APBA1: variants seen among roughly 807,000 people sequenced by gnomAD.
APBA1 encodes amyloid beta precursor protein binding family A member 1.
A neutral mutation model predicts 86.6 loss-of-function variants in APBA1; 55 were observed. That is an observed-to-expected ratio of 0.64 (90% CI 0.51 to 0.80). The LOEUF is 0.80. Among genes scored for constraint, APBA1 ranks in the 30% least tolerant of loss-of-function variants. The pLI, the probability that APBA1 is intolerant of heterozygous loss-of-function variation, is 0.00. For synonymous variants in APBA1, 511 were observed against 493.9 expected, an observed-to-expected ratio of 1.03 and a Z score of -0.46; for missense variants, 1,090 against 1,183.0, an observed-to-expected ratio of 0.92 and a Z score of 1.15.
At chr9:69,588,885 G>A (rs1486346913) in intron 1 of APBA1, among the ~76,000 whole-genome samples, 3 of 152,204 alleles carry the variant, frequency 2.0e-5, no homozygotes. Flanking sequence ...AAGCAGTACA[G>A]TTCTACCTTA....
intron 2 of APBA1, among the ~76,000 whole-genome samples, chr9:69,491,090 C>A (rs1056103644): frequency 1.3e-5 from 2 of 152,100 alleles, no homozygotes; most frequent in African/African-American, 4.8e-5. Context: ...TTTGACCCAG[C>A]CATCCCATTA....
intron 2 of APBA1, among the ~76,000 whole-genome samples, chr9:69,511,677 T>C (rs888312316): frequency 1.3e-5 from 2 of 152,020 alleles, no homozygotes; most frequent in African/African-American, 4.8e-5. Flanking sequence ...CCAACCCAAA[T>C]GTCCAACAAT....
At chr9:69,486,318 A>G (rs914361094) in intron 2 of APBA1, among the ~76,000 whole-genome samples, 2 of 152,080 alleles carry the variant, frequency 1.3e-5, no homozygotes, top group African/African-American at 4.8e-5. Context: ...TAGCGGGGAG[A>G]CATACAAATA....
intron 1 of APBA1, among the ~76,000 whole-genome samples, chr9:69,524,669 T>G (rs1352340040): frequency 6.6e-6 from 1 of 151,492 alleles, no homozygotes; most frequent in Non-Finnish European, 1.5e-5. Context: ...TGCAAAGAGC[T>G]GGTACCAATT....
rs1488840296 is a variant in APBA1, at chr9:69,429,889, A to G, written c.*1438T>C. 6.6e-6 allele frequency: 1 copy of G among 152,126 alleles called. No individual in the cohort carries two copies. Among genetic ancestry groups the G allele is most frequent in the African/African-American group, 2.4e-5 (1 of 41,404 alleles). The allele number at this position is 152,126 out of a possible 1,614,324, so 9.4% of individuals were successfully genotyped here. ...ATGAAACAAAACAAAAGCAAAGCCA[A>G]ATCACACCTCACATGAACACAAAAT... On this transcript the variant is annotated 3_prime_UTR_variant, in exon 13 of 13. Transcript: ENST00000265381.
At chr9:69,570,115 T>A (rs746151525) in intron 1 of APBA1, among the ~76,000 whole-genome samples, 31 of 152,328 alleles carry the variant, frequency 2.0e-4, no homozygotes, top group Non-Finnish European at 4.1e-4. Flanking sequence ...CAATGAGAAC[T>A]TGCCCAGAGT....
chr9:69,631,983 C>G lies in APBA1; in HGVS notation c.-70+40170G>C, dbSNP rs557302436. Among the ~76,000 whole-genome samples, 44 of 151,938 alleles carry G rather than the reference C, an allele frequency of 2.9e-4. 1 individual carries two copies. The South Asian group carries it at 8.5e-3, about 30-fold the overall frequency. On this transcript the variant is annotated intron_variant, in intron 1 of 12. Transcript: ENST00000265381. ...TAACGGGTGCAGCAAACCAACATGG[C>G]ACATGTATACATATGTAACAAACCT...
intron 1 of APBA1, among the ~76,000 whole-genome samples, chr9:69,651,808 T>C (rs563319880): frequency 6.6e-6 from 1 of 152,274 alleles, no homozygotes; most frequent in African/African-American, 2.4e-5. Flanking sequence ...TGACTGCCAA[T>C]TGATTACTTT....
chr9:69,531,962 C>T (rs558091011), intron 1 of APBA1, among the ~76,000 whole-genome samples: 19 of 152,178 alleles, frequency 1.2e-4, no homozygotes, highest in Non-Finnish European at 2.2e-4. Flanking sequence ...CAATCTGGCT[C>T]ATACTGCAAG....
At chr9:69,487,066 T>A (rs1326874336) in intron 2 of APBA1, among the ~76,000 whole-genome samples, 1 of 151,712 alleles carries the variant, frequency 6.6e-6, no homozygotes, top group Non-Finnish European at 1.5e-5. Context: ...ATAATAAGAA[T>A]CCCCCAAAGC....
intron 1 of APBA1, among the ~76,000 whole-genome samples, chr9:69,639,017 A>G (rs747973625): frequency 1.3e-5 from 2 of 152,192 alleles, no homozygotes; most frequent in African/African-American, 2.4e-5. Flanking sequence ...CCCTAAAACT[A>G]TAAGAGAATT....
Position 69,651,161 on chromosome 9 carries a change from CA to C in APBA1, c.-70+20991del, listed in dbSNP as rs944582217. 2.3e-3 allele frequency among the ~76,000 whole-genome samples: 348 copies of C among 151,474 alleles called. 1 individual carries two copies. Among genetic ancestry groups the C allele is most frequent in the African/African-American group, 8.1e-3 (333 of 41,310 alleles). The stretch of plus-strand genomic sequence containing the variant: ...TTTTGTAAAGTCGAAGAATCTGGAC[CA>C]AAAAAAATGTATATATGGTTCTCTT... On this transcript the variant is annotated intron_variant, in intron 1 of 12. Coordinates refer to ENST00000265381, the MANE Select transcript of APBA1 (RefSeq NM_001163.4).
chr9:69,474,673 G>A (rs1307276998), intron 3 of APBA1, among the ~76,000 whole-genome samples: 1 of 152,214 alleles, frequency 6.6e-6, no homozygotes, highest in Non-Finnish European at 1.5e-5. Context: ...CTCAAGACCA[G>A]AGGAGACCAA....
At chr9:69,577,577 T>G (rs1209613611) in intron 1 of APBA1, among the ~76,000 whole-genome samples, 1 of 151,898 alleles carries the variant, frequency 6.6e-6, no homozygotes, top group Non-Finnish European at 1.5e-5. Flanking sequence ...AAGTAAAGAG[T>G]TGTGGTGGGT....
intron 1 of APBA1, among the ~76,000 whole-genome samples, chr9:69,539,486 T>G (rs926758410): frequency 6.6e-6 from 1 of 152,190 alleles, no homozygotes; most frequent in African/African-American, 2.4e-5. Context: ...AAGAACCAAC[T>G]AAACACTTTT....
At chr9:69,579,087 A>G (rs1279291531) in intron 1 of APBA1, among the ~76,000 whole-genome samples, 1 of 152,114 alleles carries the variant, frequency 6.6e-6, no homozygotes. Context: ...AGTACAGCTT[A>G]AAACAAAAAA....
chr9:69,583,584 CAAG>C (rs1218535938), intron 1 of APBA1, among the ~76,000 whole-genome samples: 2 of 152,130 alleles, frequency 1.3e-5, no homozygotes, highest in African/African-American at 2.4e-5. Context: ...AGAGCTAACT[CAAG>C]AAAATTATCC....
rs745552520 is a variant in APBA1 at position 69,516,472 on chromosome 9, C to T, written c.739G>A (p.Asp247Asn). The T allele has an allele frequency of 6.2e-7, 1 of 1,601,282 alleles. No homozygotes were observed. The highest frequency in any genetic ancestry group is 1.1e-5 in the South Asian group (1 of 90,882). The stretch of plus-strand genomic sequence containing the variant: ...AACTCGGCCTCCTTCTCGGGGCTGT[C>T]GGACTCGCCGTCGGAGCGCTCGTCG... ...HYDERSDGES[D>N]SPEKEAEFAP... The change falls in exon 2 of 13, where the codon GAC becomes AAC. Residue 247 changes from aspartate to asparagine, a missense_variant. Coordinates refer to ENST00000265381, the MANE Select transcript of APBA1 (RefSeq NM_001163.4). This position sits in a 1 kb window ranked among gnomAD's most constrained non-coding sequence, Gnocchi z 7.3.
chr9:69,579,246 C>A (rs1175778307), intron 1 of APBA1, among the ~76,000 whole-genome samples: 1 of 152,120 alleles, frequency 6.6e-6, no homozygotes, highest in Non-Finnish European at 1.5e-5. Context: ...TGCACAGCCA[C>A]ATGAGGAATG....
Sources: gnomAD v4.1 joint callset for allele counts (sites outside exome capture counted in the v4.1 genomes callset) on GRCh38, gnomAD v4.1.1 for gene constraint, Gnocchi (gnomAD v3.1) non-coding constraint, MANE v1.5 for transcripts, NCBI Gene and HGNC (gene_info 2026-07-23, HGNC 2026-07-21) for gene names.